PTPRD: variants seen among roughly 807,000 people sequenced by gnomAD.
The protein encoded by PTPRD is receptor-type tyrosine-protein phosphatase delta.
Under a neutral mutation model 214.5 loss-of-function variants are expected in PTPRD, and 34 were observed. That is an observed-to-expected ratio of 0.16 (90% CI 0.12 to 0.21). The LOEUF (loss-of-function observed/expected upper bound fraction) is 0.21. PTPRD is among the 10% of genes least tolerant of loss of function. The probability of loss-of-function intolerance (pLI) is 1.00; values close to 1 mark genes in which losing one functional copy is unlikely to be tolerated. For synonymous variants in PTPRD, 1,128 were observed against 845.7 expected (o/e 1.33, Z -5.79); for missense variants, 2,545 against 2,398.7 (o/e 1.06, Z -1.27).
chr9:9,929,445 G>A (rs1027887165), intron 5 of PTPRD, among the ~76,000 whole-genome samples: 1 of 152,188 alleles, frequency 6.6e-6, no homozygotes, highest in African/African-American at 2.4e-5. Flanking sequence ...CCAGGCTGAA[G>A]TGCAGTGGCG....
At chr9:8,532,277 T>A (rs1278803345) in intron 14 of PTPRD, among the ~76,000 whole-genome samples, 1 of 152,038 alleles carries the variant, frequency 6.6e-6, no homozygotes, top group Non-Finnish European at 1.5e-5. Flanking sequence ...TAAAACAAAC[T>A]GTAGAAATAA....
At chr9:9,180,897 T>A (rs10977551) in intron 10 of PTPRD, among the ~76,000 whole-genome samples, 61,637 of 151,986 alleles carry the variant, frequency 0.41, 12,760 homozygotes, top group African/African-American at 0.49. Flanking sequence ...TATGGAGAAG[T>A]TGGAACTGAA....
At chr9:8,719,165 C>G (rs1047389352) in intron 12 of PTPRD, among the ~76,000 whole-genome samples, 2 of 152,130 alleles carry the variant, frequency 1.3e-5, no homozygotes, top group African/African-American at 2.4e-5. Flanking sequence ...GTCAGGCACA[C>G]CGTGCAATGA....
chr9:10,114,317 C>G (rs2098713484), intron 3 of PTPRD, among the ~76,000 whole-genome samples: 1 of 152,122 alleles, frequency 6.6e-6, no homozygotes. Context: ...GGATATGGAT[C>G]AAGCAAAGAA....
intron 30 of PTPRD, 140 bp from the exon 31 acceptor site, chr9:8,471,225 C>A: frequency 1.5e-6 from 1 of 674,818 alleles, no homozygotes; most frequent in Non-Finnish European, 2.7e-6. Context: ...ACATCAATGA[C>A]AAATATCCAC....
chr9:9,584,062 TAC>T (rs1474964369), intron 7 of PTPRD, among the ~76,000 whole-genome samples: 1 of 152,052 alleles, frequency 6.6e-6, no homozygotes, highest in African/African-American at 2.4e-5. Flanking sequence ...TTTGTTGAAA[TAC>T]AGATTCTGAT....
chr9:10,605,888 C>T (rs946306461), intron 2 of PTPRD, among the ~76,000 whole-genome samples: 3 of 151,722 alleles, frequency 2.0e-5, no homozygotes, highest in South Asian at 2.1e-4. Flanking sequence ...TTTATGCTGC[C>T]GTATTATGCA....
chr9:8,417,501 A>C (rs12377175), intron 35 of PTPRD, among the ~76,000 whole-genome samples: 26,125 of 152,224 alleles, frequency 0.17, 2,638 homozygotes, highest in Non-Finnish European at 0.22. Flanking sequence ...GACTATTCTA[A>C]TGGTTTAATG....
chr9:10,279,259 T>A (rs970922716), intron 3 of PTPRD, among the ~76,000 whole-genome samples: 1 of 152,140 alleles, frequency 6.6e-6, no homozygotes, highest in African/African-American at 2.4e-5. Flanking sequence ...TGAAAAAATA[T>A]TGAATGTAGA....
intron 11 of PTPRD, among the ~76,000 whole-genome samples, chr9:8,749,190 T>C (rs1466336210): frequency 1.3e-5 from 2 of 152,138 alleles, no homozygotes; most frequent in South Asian, 2.1e-4. Context: ...TTGTTTTTGT[T>C]CTTTGTGTTG....
chr9:9,809,204 C>T (rs1260429940), intron 5 of PTPRD, among the ~76,000 whole-genome samples: 1 of 150,450 alleles, frequency 6.6e-6, no homozygotes, highest in Non-Finnish European at 1.5e-5. Flanking sequence ...TCTATTCTGT[C>T]TATTGTCAGT....
Position 8,791,869 on chromosome 9 carries a change from C to T in PTPRD, c.-103-57923G>A, listed in dbSNP as rs546712090. On this transcript the variant is annotated intron_variant, in intron 11 of 45. Transcript: ENST00000381196. ...ATTTCAAAATGATCAAATCAAAATG[C>T]GGGAAAACAATGTGTTTTAAGGCCA... Among the ~76,000 whole-genome samples, 7 of 152,076 alleles carry T rather than the reference C, an allele frequency of 4.6e-5. No homozygotes were observed. In the East Asian group the frequency reaches 9.7e-4, roughly 21 times the overall value.
intron 11 of PTPRD, among the ~76,000 whole-genome samples, chr9:9,016,038 G>A (rs1257108970): frequency 8.5e-5 from 13 of 152,076 alleles, no homozygotes; most frequent in African/African-American, 3.1e-4. Context: ...GCTGTTAACT[G>A]CCAAAGGAGG....
chr9:9,231,171 T>C (rs2099962870), intron 9 of PTPRD, among the ~76,000 whole-genome samples: 1 of 152,116 alleles, frequency 6.6e-6, no homozygotes, highest in African/African-American at 2.4e-5. Flanking sequence ...GGTGAGAAAA[T>C]TAGTTTTTAA....
At chr9:9,361,461 G>C (rs2056116325) in intron 9 of PTPRD, among the ~76,000 whole-genome samples, 1 of 150,612 alleles carries the variant, frequency 6.6e-6, no homozygotes, top group Non-Finnish European at 1.5e-5. Context: ...TGATTACCTT[G>C]TTCATAGTGT....
intron 5 of PTPRD, among the ~76,000 whole-genome samples, chr9:9,807,726 T>G (rs929138053): frequency 6.6e-6 from 1 of 152,176 alleles, no homozygotes; most frequent in African/African-American, 2.4e-5. Context: ...TACAAAAATA[T>G]AGTGATTCTT....
intron 30 of PTPRD, among the ~76,000 whole-genome samples, chr9:8,482,718 T>G (rs1018371869): frequency 1.3e-5 from 2 of 152,244 alleles, no homozygotes; most frequent in African/African-American, 4.8e-5. Context: ...TTTTCACTTC[T>G]GGGTATACCC....
At chr9:8,777,496 G>T (rs2095531838) in intron 11 of PTPRD, among the ~76,000 whole-genome samples, 1 of 152,114 alleles carries the variant, frequency 6.6e-6, no homozygotes. Flanking sequence ...TGTGGATTAT[G>T]TTTTCTGTCA....
chr9:9,027,680 G>C (rs1316594500), intron 10 of PTPRD, among the ~76,000 whole-genome samples: 1 of 151,802 alleles, frequency 6.6e-6, no homozygotes, highest in Non-Finnish European at 1.5e-5. Context: ...ACATATCATT[G>C]AGGTGTTATG....
Sources: gnomAD v4.1 joint callset for allele counts (sites outside exome capture counted in the v4.1 genomes callset) on GRCh38, gnomAD v4.1.1 for gene constraint, MANE v1.5 for transcripts, NCBI Gene and HGNC (gene_info 2026-07-23, HGNC 2026-07-21) for gene names.